Variants in TENM4 observed in about 807,000 individuals in gnomAD.
TENM4 encodes teneurin-4.
A neutral mutation model predicts 243.3 loss-of-function variants in TENM4; 82 were observed. The ratio of observed to expected loss-of-function variants is 0.34; its 90% CI spans 0.28 to 0.40. The LOEUF (loss-of-function observed/expected upper bound fraction) is 0.40, where lower values mean the gene tolerates loss of function less well. TENM4 is among the 10% of genes least tolerant of loss of function. TENM4 has a pLI of 1.00. For synonymous variants in TENM4, 1,412 were observed against 1,456.3 expected (o/e 0.97, Z 0.69); for missense variants, 3,138 against 3,673.3 (o/e 0.85, Z 3.77).
rs117891471 is a variant in TENM4, at chr11:79,322,253, G to C, written c.-320-24710C>G. ...ACTCAGGAAGCCTCTTTCCCTATGA[G>C]GAATGGATTCAGGGCCATGCTAATC... On this transcript the variant is annotated intron_variant, in intron 1 of 33. Transcript: ENST00000278550. 4.7e-3 allele frequency among the ~76,000 whole-genome samples: 713 copies of C among 152,292 alleles called. 3 individuals are homozygous for C. The highest frequency in any genetic ancestry group is 7.8e-3 in the Non-Finnish European group (533 of 68,016).
chr11:79,306,723 C>T (rs1257115677), intron 1 of TENM4, among the ~76,000 whole-genome samples: 1 of 152,188 alleles, frequency 6.6e-6, no homozygotes. Context: ...CAAATATTAT[C>T]ACCATGCCCA....
intron 6 of TENM4, among the ~76,000 whole-genome samples, chr11:78,984,971 G>A (rs1185166128): frequency 1.3e-5 from 2 of 152,168 alleles, no homozygotes; most frequent in African/African-American, 4.8e-5. Flanking sequence ...GAGTGCTGCT[G>A]TAGTGCTAGC....
At chr11:78,690,154 G>C (rs903995485) in intron 28 of TENM4, among the ~76,000 whole-genome samples, 2 of 152,208 alleles carry the variant, frequency 1.3e-5, no homozygotes, top group Non-Finnish European at 2.9e-5. Context: ...CTGAAACCTG[G>C]AATGGGTGGT....
intron 6 of TENM4, among the ~76,000 whole-genome samples, chr11:79,023,254 A>G (rs1310647721): frequency 6.6e-6 from 1 of 152,076 alleles, no homozygotes; most frequent in Non-Finnish European, 1.5e-5. Context: ...ATGAGGGTGA[A>G]TTATATTCAA....
At chr11:78,843,357 C>T (rs923373056) in intron 12 of TENM4, among the ~76,000 whole-genome samples, 4 of 151,850 alleles carry the variant, frequency 2.6e-5, no homozygotes, top group Non-Finnish European at 5.9e-5. Context: ...TGTGGTGGCA[C>T]ACATTTGCAG....
intron 2 of TENM4, among the ~76,000 whole-genome samples, chr11:79,226,162 A>T (rs1864260618): frequency 6.6e-6 from 1 of 152,144 alleles, no homozygotes; most frequent in Admixed American, 6.6e-5. Context: ...CCCAATCCAA[A>T]CACAACTGCA....
Position 78,757,037 on chromosome 11 carries a change from A to G in TENM4, c.2540-16T>C. 1 of 1,611,154 alleles carries G rather than the reference A, an allele frequency of 6.2e-7. No homozygotes were observed. The highest frequency in any genetic ancestry group is 1.3e-5 in the African/African-American group (1 of 75,020). On this transcript the variant is annotated splice_polypyrimidine_tract_variant and intron_variant, in intron 18 of 33. Coordinates refer to ENST00000278550, the MANE Select transcript of TENM4 (RefSeq NM_001098816.3). The stretch of plus-strand genomic sequence containing the variant: ...ACCAGGCCATCTGCAGGAGTGACAG[A>G]GCATGTGGTTTATATTGCTATGTTC...
chr11:78,690,397 G>T (rs1196952149), intron 28 of TENM4, among the ~76,000 whole-genome samples: 2 of 152,178 alleles, frequency 1.3e-5, no homozygotes, highest in Non-Finnish European at 2.9e-5. Context: ...AATATTGACA[G>T]TGGTTATCTC....
At chr11:79,212,453 C>T (rs1488189123) in intron 3 of TENM4, among the ~76,000 whole-genome samples, 3 of 152,272 alleles carry the variant, frequency 2.0e-5, no homozygotes, top group Admixed American at 6.5e-5. Context: ...TACTTTCTAC[C>T]CTAAGCTTTT....
At chr11:79,150,481 C>T (rs1862484221) in intron 3 of TENM4, among the ~76,000 whole-genome samples, 1 of 152,140 alleles carries the variant, frequency 6.6e-6, no homozygotes, top group Non-Finnish European at 1.5e-5. Context: ...CCCCAAGTTC[C>T]TTTTCTCCTT....
intron 4 of TENM4, among the ~76,000 whole-genome samples, chr11:79,129,290 C>T (rs748651025): frequency 3.0e-4 from 42 of 142,336 alleles, no homozygotes; most frequent in Admixed American, 9.6e-4. Flanking sequence ...CCAGAGGTGG[C>T]GGGGTGGGTT....
chr11:78,839,585 A>T (rs58527034), intron 12 of TENM4, among the ~76,000 whole-genome samples: 3,544 of 152,264 alleles, frequency 0.023, 135 homozygotes, highest in African/African-American at 0.08. Context: ...CACCCTTCAC[A>T]AATAACGATG....
intron 1 of TENM4, among the ~76,000 whole-genome samples, chr11:79,333,155 T>A (rs963295247): frequency 2.0e-5 from 3 of 152,034 alleles, no homozygotes; most frequent in African/African-American, 7.2e-5. Context: ...CTGAGTACCA[T>A]CCCCAAAGTC....
intron 1 of TENM4, among the ~76,000 whole-genome samples, chr11:79,347,454 G>A (rs368512986): frequency 4.1e-4 from 62 of 152,288 alleles, no homozygotes; most frequent in African/African-American, 1.4e-3. Flanking sequence ...CAAAGATGAT[G>A]GAGACCCACT....
intron 6 of TENM4, among the ~76,000 whole-genome samples, chr11:79,014,330 C>T (rs545810792): frequency 6.6e-6 from 1 of 152,210 alleles, no homozygotes; most frequent in South Asian, 2.1e-4. Flanking sequence ...AGAGAGGAAG[C>T]CTCTTTCTTA....
chr11:79,216,856 C>A (rs950361362), intron 2 of TENM4, among the ~76,000 whole-genome samples: 4 of 152,152 alleles, frequency 2.6e-5, no homozygotes, highest in Non-Finnish European at 5.9e-5. Flanking sequence ...AGAAAATGGA[C>A]TAAGGCACTT....
intron 4 of TENM4, among the ~76,000 whole-genome samples, chr11:79,077,724 T>G (rs1209750615): frequency 6.6e-6 from 1 of 152,060 alleles, no homozygotes; most frequent in Non-Finnish European, 1.5e-5. Context: ...GGAAAGAGGT[T>G]GGAGAGAAAG....
intron 2 of TENM4, among the ~76,000 whole-genome samples, chr11:79,295,523 A>C (rs1255378734): frequency 6.6e-6 from 1 of 152,104 alleles, no homozygotes; most frequent in African/African-American, 2.4e-5. Flanking sequence ...TGCCGCAACA[A>C]CTCAAGACAT....
chr11:79,272,547 C>T (rs1426026206), intron 2 of TENM4, among the ~76,000 whole-genome samples: 1 of 152,130 alleles, frequency 6.6e-6, no homozygotes, highest in Non-Finnish European at 1.5e-5. Context: ...CATATTAATT[C>T]AGACTAGCCA....
Sources: gnomAD v4.1 joint callset for allele counts (sites outside exome capture counted in the v4.1 genomes callset) on GRCh38, gnomAD v4.1.1 for gene constraint, MANE v1.5 for transcripts, NCBI Gene and HGNC (gene_info 2026-07-23, HGNC 2026-07-21) for gene names.